Variants in CNN1 observed in about 807,000 individuals in gnomAD.
CNN1 encodes calponin 1, also known as calponin-1.
Under a neutral mutation model 35.3 loss-of-function variants are expected in CNN1, and 21 were observed. The ratio of observed to expected loss-of-function variants is 0.60; its 90% CI spans 0.42 to 0.86. CNN1 has a LOEUF of 0.86. Ranked by LOEUF, CNN1 falls within the 40% of genes least tolerant of loss-of-function variation. CNN1 has a pLI of 0.00. For missense variants in CNN1, 314 were observed against 400.8 expected (o/e 0.78, Z 1.85); for synonymous variants, 164 against 161.8 (o/e 1.01, Z -0.10).
At chr19:11,545,858 C>T (rs921179475) in intron 2 of CNN1, among the ~76,000 whole-genome samples, 6 of 149,018 alleles carry the variant, frequency 4.0e-5, no homozygotes, top group African/African-American at 1.5e-4. Context: ...CCCAGCTACT[C>T]GGAAGGCTGA....
In CNN1 at chr19:11,546,841, A is replaced by G. The variant is rs1288275653; in HGVS notation, c.262A>G (p.Ile88Val). The G allele has an allele frequency of 1.2e-6, 2 of 1,614,186 alleles. No homozygotes were observed. The highest frequency in any genetic ancestry group is 1.1e-5 in the South Asian group (1 of 91,086). ...ACCTGCCCCCCTCTAGCTGGAGAAC[A>G]TCGGCAACTTCATCAAGGCCATCAC... ...STQNWHQLEN[I>V]GNFIKAITKY... Residue 88 changes from isoleucine to valine, a missense_variant, in exon 4 of 7, where the codon ATC (isoleucine) becomes GTC (valine). Ile to Val is a conservative substitution (Grantham distance 29). Transcript: ENST00000252456.
Position 11,547,883 on chromosome 19 carries a change from A to T in CNN1, c.477A>T (p.Glu159Asp). ...AATTCGAGCCGGGGAAGCTAAGAGA[A>T]GGGCGGAACATCATTGGGCTGCAGG... ...ERKFEPGKLR[E>D]GRNIIGLQMG... The change falls in exon 5 of 7, where the codon GAA becomes GAT. Residue 159 changes from glutamate to aspartate, a missense_variant. Transcript: ENST00000252456. 3 of 1,613,960 alleles carry T rather than the reference A, an allele frequency of 1.9e-6. No homozygotes were observed. Among genetic ancestry groups the T allele is most frequent in the Non-Finnish European group, 2.5e-6 (3 of 1,179,910 alleles).
intron 2 of CNN1, among the ~76,000 whole-genome samples, chr19:11,543,282 C>T (rs1044272525): frequency 6.7e-6 from 1 of 149,370 alleles, no homozygotes. Flanking sequence ...CCCTGGAGGT[C>T]AAGGCTGCAG....
intron 2 of CNN1, among the ~76,000 whole-genome samples, chr19:11,544,599 G>GC (rs1179713080): frequency 6.6e-6 from 1 of 151,130 alleles, no homozygotes; most frequent in African/African-American, 2.4e-5. Flanking sequence ...AGCCTCTTCA[G>GC]CCCCAGCCTC....
intron 4 of CNN1, 68 bp from the exon 5 acceptor site, chr19:11,547,729 C>T (rs1972621740): frequency 7.8e-7 from 1 of 1,286,440 alleles, no homozygotes; most frequent in South Asian, 1.3e-5. Flanking sequence ...AACAAAAAAA[C>T]AGTGTCCAAG....
Position 11,549,960 on chromosome 19 carries a change from C to T in CNN1, c.*165C>T. On this transcript the variant is annotated 3_prime_UTR_variant, in exon 7 of 7. Coordinates refer to ENST00000252456, the MANE Select transcript of CNN1 (RefSeq NM_001299.6). This position sits in a 1 kb window ranked among gnomAD's most constrained non-coding sequence, Gnocchi z 5.2. The stretch of plus-strand genomic sequence containing the variant: ...TTGGAGAGAGCAGACTGGCGGGGGG[C>T]CCATTGGGGGGAAGGGGACCCTCCG... 1 of 1,067,802 alleles carries T rather than the reference C, an allele frequency of 9.4e-7. No individual in the cohort carries two copies. Among genetic ancestry groups the T allele is most frequent in the Non-Finnish European group, 1.3e-6 (1 of 756,282 alleles). The allele number at this position is 1,067,802 out of a possible 1,614,324, so 66.1% of individuals were successfully genotyped here.
chr19:11,539,409 C>G, intron 1 of CNN1: 1 of 1,069,538 alleles, frequency 9.3e-7, no homozygotes, highest in Non-Finnish European at 1.1e-6. Flanking sequence ...ATCCTGAAGA[C>G]AGAGGGGGAC....
intron 2 of CNN1, among the ~76,000 whole-genome samples, chr19:11,545,831 T>C (rs1035662185): frequency 1.1e-4 from 15 of 133,356 alleles, no homozygotes; most frequent in African/African-American, 4.3e-4. Context: ...CCAGGCATGG[T>C]GGTGCGCACC....
At chr19:11,540,945 A>C in intron 1 of CNN1, 131 bp from the exon 2 acceptor site, 2 of 1,006,914 alleles carry the variant, frequency 2.0e-6, no homozygotes, top group Non-Finnish European at 1.4e-6. Flanking sequence ...GATCTGGGGC[A>C]AAATTGCCTT....
At chr19:11,546,211 G>A (rs1189941414) in intron 2 of CNN1, among the ~76,000 whole-genome samples, 1 of 152,184 alleles carries the variant, frequency 6.6e-6, no homozygotes, top group African/African-American at 2.4e-5. Context: ...TGGGTGGTTT[G>A]GAGGGGCTGC....
intron 4 of CNN1, 74 bp downstream of exon 4, chr19:11,547,043 C>T: frequency 1.9e-6 from 3 of 1,595,078 alleles, no homozygotes; most frequent in Non-Finnish European, 2.6e-6. Flanking sequence ...CACTTGTGCT[C>T]CTGAGCCCAG....
chr19:11,544,867 A>C (rs1233412612), intron 2 of CNN1, among the ~76,000 whole-genome samples: 1 of 151,644 alleles, frequency 6.6e-6, no homozygotes, highest in African/African-American at 2.4e-5. Flanking sequence ...AGGCTCCTGG[A>C]GGATTTGGAA....
In CNN1 at chr19:11,549,071, C is replaced by G. The variant is rs1236940042; in HGVS notation, c.502-252C>G. ...GGCATGGTGATGCCCACCTGTGATC[C>G]CAGCTACTCCGGAGGCTGAGGCAGG... On this transcript the variant is annotated intron_variant, in intron 5 of 6. Coordinates refer to ENST00000252456, the MANE Select transcript of CNN1 (RefSeq NM_001299.6). This position sits in a 1 kb window ranked among gnomAD's most constrained non-coding sequence, Gnocchi z 5.2. 1.3e-5 allele frequency among the ~76,000 whole-genome samples: 2 copies of G among 151,456 alleles called. No individual in the cohort carries two copies. Among genetic ancestry groups the G allele is most frequent in the Non-Finnish European group, 2.9e-5 (2 of 67,904 alleles).
chr19:11,549,229 A>G lies in CNN1; in HGVS notation c.502-94A>G. On this transcript the variant is annotated intron_variant, in intron 5 of 6. Coordinates refer to ENST00000252456, the MANE Select transcript of CNN1 (RefSeq NM_001299.6). The surrounding 1 kb of genome is among the most constrained non-coding windows in gnomAD (Gnocchi z 5.2). Reference sequence around the variant, plus strand: ...AATAAAATAAAAATTGAAAAAAATGATAAAGCGGCGCCTCATCCTCTCCCA... The same window carrying G: ...AATAAAATAAAAATTGAAAAAAATGGTAAAGCGGCGCCTCATCCTCTCCCA... The G allele has an allele frequency of 7.6e-7, 1 of 1,323,338 alleles. No individual in the cohort carries two copies. Among genetic ancestry groups the G allele is most frequent in the Non-Finnish European group, 1.0e-6 (1 of 977,646 alleles). The allele number at this position is 1,323,338 out of a possible 1,614,324, so 82.0% of individuals were successfully genotyped here.
chr19:11,543,360 AC>A (rs1273292735), intron 2 of CNN1, among the ~76,000 whole-genome samples: 1 of 149,788 alleles, frequency 6.7e-6, no homozygotes, highest in African/African-American at 2.5e-5. Context: ...AAAAAAAAAA[AC>A]TAATGTAAAC....
At chr19:11,539,383 C>A in intron 1 of CNN1, 1 of 1,067,282 alleles carries the variant, frequency 9.4e-7, no homozygotes, top group Non-Finnish European at 1.1e-6. Context: ...GAAGTGACGC[C>A]GTGAAAGTGT....
chr19:11,545,236 G>A (rs1164426650), intron 2 of CNN1, among the ~76,000 whole-genome samples: 1 of 151,604 alleles, frequency 6.6e-6, no homozygotes, highest in Non-Finnish European at 1.5e-5. Flanking sequence ...GCTGGATGAA[G>A]AAGGGTGGGT....
chr19:11,539,684 G>T, intron 1 of CNN1: 1 of 688,694 alleles, frequency 1.5e-6, no homozygotes, highest in Non-Finnish European at 2.3e-6. Flanking sequence ...GTATTGCCGA[G>T]GGAGGAGTTC....
intron 2 of CNN1, among the ~76,000 whole-genome samples, chr19:11,545,487 A>G (rs1441252845): frequency 1.5e-5 from 1 of 67,348 alleles, no homozygotes; most frequent in Non-Finnish European, 2.9e-5. Context: ...CTAGGCAGGG[A>G]AGGTGGAGGG....
Sources: gnomAD v4.1 joint callset for allele counts (sites outside exome capture counted in the v4.1 genomes callset) on GRCh38, gnomAD v4.1.1 for gene constraint, Gnocchi (gnomAD v3.1) non-coding constraint, MANE v1.5 for transcripts, NCBI Gene and HGNC (gene_info 2026-07-23, HGNC 2026-07-21) for gene names.